The following TOPAZ1 variants were observed in gnomAD, a reference collection of about 807,000 sequenced individuals.
The protein encoded by TOPAZ1 is protein TOPAZ1.
A neutral mutation model predicts 172.2 loss-of-function variants in TOPAZ1; 66 were observed. The observed-to-expected ratio is 0.38, with a 90% confidence interval of 0.31 to 0.47. TOPAZ1 has a LOEUF of 0.47. Ranked by LOEUF, TOPAZ1 falls within the 20% of genes least tolerant of loss-of-function variation. TOPAZ1 has a pLI of 0.99. For missense variants in TOPAZ1, 1,822 were observed against 1,972.4 expected, an observed-to-expected ratio of 0.92 and a Z score of 1.44; for synonymous variants, 681 against 683.9, an observed-to-expected ratio of 1.00 and a Z score of 0.07.
chr3:44,288,911 T>C (rs1174196993), intron 11 of TOPAZ1, among the ~76,000 whole-genome samples: 2 of 152,198 alleles, frequency 1.3e-5, no homozygotes, highest in African/African-American at 4.8e-5. Flanking sequence ...CCAATTTCCC[T>C]GTTAAGACTA....
intron 12 of TOPAZ1, among the ~76,000 whole-genome samples, chr3:44,302,124 A>G (rs1054197438): frequency 6.6e-6 from 1 of 152,174 alleles, no homozygotes; most frequent in African/African-American, 2.4e-5. Flanking sequence ...TAAAATATCC[A>G]TCTTGGCTGG....
At position 44,267,027 on chromosome 3, in the gene TOPAZ1, C is replaced by T. The variant is rs80211889; in HGVS notation, c.3051C>T (p.Val1017=). ...ATTCTAGAAATGCAGACTTTATGGT[C>T]GGCGAATGTCAATTTGCAGTACCAG... is the stretch of plus-strand genomic sequence containing the variant. ...SKDSRNADFM[V]GECQFAVPVP... Residue 1017 remains valine (V), a synonymous_variant, in exon 6 of 20, where the codon GTC becomes GTT. Transcript: ENST00000309765. 2.7e-3 allele frequency: 4,148 copies of T among 1,546,014 alleles called. 67 individuals carry two copies. In the African/African-American group the frequency reaches 0.043, roughly 16 times the overall value.
At chr3:44,300,907 A>G (rs1700265609) in intron 12 of TOPAZ1, among the ~76,000 whole-genome samples, 2 of 152,186 alleles carry the variant, frequency 1.3e-5, no homozygotes, top group Admixed American at 1.3e-4. Flanking sequence ...AGTTATAGTT[A>G]AACTGTGGTA....
Position 44,242,905 on chromosome 3 carries a change from G to T in TOPAZ1, c.399G>T (p.Gly133=). ...CCTCAAGTGATGATCCACAGCCAGG[G>T]CTTGACTTGGTAAGAAAGGAATCAT... is the stretch of plus-strand genomic sequence containing the variant. ...TEASSDDPQP[G]LDLVRKESLT... The change falls in exon 2 of 20, where the codon GGG becomes GGT. Residue 133 remains glycine (G), a synonymous_variant. Coordinates refer to ENST00000309765, the MANE Select transcript of TOPAZ1 (RefSeq NM_001145030.2). The T allele has an allele frequency of 1.9e-6, 3 of 1,540,234 alleles. No homozygotes were observed. The highest frequency in any genetic ancestry group is 1.4e-5 in the African/African-American group (1 of 72,458).
At chr3:44,269,367 C>T in intron 7 of TOPAZ1, 66 bp downstream of exon 7, 1 of 893,676 alleles carries the variant, frequency 1.1e-6, no homozygotes, top group Non-Finnish European at 1.8e-6. Flanking sequence ...TCCTTCTCCT[C>T]CCTCCTCTTC....
At chr3:44,317,972 A>AT (rs1351211588) in intron 16 of TOPAZ1, among the ~76,000 whole-genome samples, 2 of 152,096 alleles carry the variant, frequency 1.3e-5, no homozygotes, top group Admixed American at 6.5e-5. Flanking sequence ...GCTTACTCAG[A>AT]TTTTTTTTCT....
intron 12 of TOPAZ1, among the ~76,000 whole-genome samples, chr3:44,299,885 A>G (rs1281654160): frequency 7.7e-6 from 1 of 129,536 alleles, no homozygotes; most frequent in Non-Finnish European, 1.6e-5. Flanking sequence ...TCTCACTCAT[A>G]GGTGGGAATT....
rs28451808 is a variant in TOPAZ1 at position 44,308,795 on chromosome 3, C to T, written c.4141-1030C>T. 8.0e-3 allele frequency among the ~76,000 whole-genome samples: 1,225 copies of T among 152,176 alleles called. 19 individuals carry two copies. Among genetic ancestry groups the T allele is most frequent in the African/African-American group, 0.028 (1,174 of 41,518 alleles). Reference sequence around the variant, plus strand: ...ACATAGTATGAATTTTTTAATGAAACCTATTCCTTTTTGAATGTAAAAATA... The same window carrying T: ...ACATAGTATGAATTTTTTAATGAAATCTATTCCTTTTTGAATGTAAAAATA... On this transcript the variant is annotated intron_variant, in intron 15 of 19. Coordinates refer to ENST00000309765, the MANE Select transcript of TOPAZ1 (RefSeq NM_001145030.2).
intron 18 of TOPAZ1, among the ~76,000 whole-genome samples, chr3:44,326,418 C>A (rs781657626): frequency 1.3e-5 from 2 of 151,988 alleles, no homozygotes; most frequent in South Asian, 4.1e-4. Flanking sequence ...TGTTGAGGAC[C>A]TTTTCATACA....
chr3:44,325,939 A>G (rs1429058496), intron 18 of TOPAZ1, among the ~76,000 whole-genome samples: 1 of 152,134 alleles, frequency 6.6e-6, no homozygotes, highest in Non-Finnish European at 1.5e-5. Flanking sequence ...CACTGCACCC[A>G]GCCATGACTG....
At chr3:44,280,484 G>C (rs749755326) in intron 8 of TOPAZ1, among the ~76,000 whole-genome samples, 1 of 151,632 alleles carries the variant, frequency 6.6e-6, no homozygotes, top group Non-Finnish European at 1.5e-5. Context: ...CAAGTAGCTG[G>C]GACTACAGGC....
chr3:44,276,857 C>G (rs1464750722), intron 8 of TOPAZ1, among the ~76,000 whole-genome samples: 6 of 151,680 alleles, frequency 4.0e-5, no homozygotes, highest in African/African-American at 1.5e-4. Flanking sequence ...GTGGCGAGAT[C>G]TCGGCTCACT....
At chr3:44,287,898 TC>T in intron 11 of TOPAZ1, 59 bp downstream of exon 11, 1 of 814,196 alleles carries the variant, frequency 1.2e-6, no homozygotes. Context: ...AATAATTGTT[TC>T]CATGGGGGGG....
At chr3:44,324,280 T>G (rs1188571391) in intron 18 of TOPAZ1, among the ~76,000 whole-genome samples, 1 of 152,154 alleles carries the variant, frequency 6.6e-6, no homozygotes, top group African/African-American at 2.4e-5. Flanking sequence ...GAAAGCTGAG[T>G]TTTCTTAAAA....
chr3:44,290,804 C>T lies in TOPAZ1; in HGVS notation c.3715C>T (p.His1239Tyr). ...AGCCGGGATGGTGCTTGACCCAGAG[C>T]ACTTTAACTATATTGTTAAGCTTTT... is the stretch of plus-strand genomic sequence containing the variant. ...VEAGMVLDPE[H>Y]FNYIVKLLYQ... The change falls in exon 12 of 20, where the codon CAC becomes TAC. Residue 1239 changes from histidine (H) to tyrosine (Y), a missense_variant. Around this residue, in one of 2 missense-constraint regions of TOPAZ1, gnomAD observed 1,489 missense variants for 1,490.8 expected, o/e 1.00. Coordinates refer to ENST00000309765, the MANE Select transcript of TOPAZ1 (RefSeq NM_001145030.2). 6.5e-7 allele frequency: 1 copy of T among 1,549,876 alleles called. No homozygotes were observed. Among genetic ancestry groups the T allele is most frequent in the Non-Finnish European group, 8.7e-7 (1 of 1,146,414 alleles).
rs1231056181 is a variant in TOPAZ1, at chr3:44,242,046, C to T, written c.-8C>T. Reference sequence around the variant, plus strand: ...CAGAGGGGCCCCAGCGGGCCGGCCCCGGGGCACATGCGACGACCTCCACCC... The same window carrying T: ...CAGAGGGGCCCCAGCGGGCCGGCCCTGGGGCACATGCGACGACCTCCACCC... On this transcript the variant is annotated 5_prime_UTR_variant, in exon 1 of 20. Transcript: ENST00000309765. 11 of 1,541,454 alleles carry T rather than the reference C, an allele frequency of 7.1e-6. No individual in the cohort carries two copies. Among genetic ancestry groups the T allele is most frequent in the African/African-American group, 1.4e-5 (1 of 72,830 alleles).
At chr3:44,279,621 A>G (rs977661855) in intron 8 of TOPAZ1, among the ~76,000 whole-genome samples, 1 of 152,108 alleles carries the variant, frequency 6.6e-6, no homozygotes, top group Admixed American at 6.6e-5. Flanking sequence ...TCTGATAAGT[A>G]TAGCTGCTCC....
intron 4 of TOPAZ1, 52 bp downstream of exon 4, chr3:44,256,330 A>G: frequency 6.8e-7 from 1 of 1,477,430 alleles, no homozygotes; most frequent in Non-Finnish European, 9.0e-7. Flanking sequence ...AATAGTGGTA[A>G]TGCATAAATC....
At chr3:44,266,859 G>T (rs1699835447) in intron 5 of TOPAZ1, 138 bp from the exon 6 acceptor site, 1 of 562,814 alleles carries the variant, frequency 1.8e-6, no homozygotes, top group Non-Finnish European at 2.9e-6. Flanking sequence ...CTCGACTCAG[G>T]GTTGCCACAG....
Sources: gnomAD v4.1 joint callset for allele counts (sites outside exome capture counted in the v4.1 genomes callset) on GRCh38, gnomAD v4.1.1 for gene constraint, gnomAD v4.1.1 regional missense constraint, MANE v1.5 for transcripts, NCBI Gene and HGNC (gene_info 2026-07-23, HGNC 2026-07-21) for gene names.